Variants in CAST observed in about 807,000 individuals in gnomAD.
CAST encodes MIR583 host.
CAST carries 76 observed loss-of-function variants against 119.6 expected under a neutral mutation model. The ratio of observed to expected loss-of-function variants is 0.64; its 90% confidence interval spans 0.53 to 0.77. The LOEUF (loss-of-function observed/expected upper bound fraction) is 0.77. Ranked by LOEUF, CAST falls within the 30% of genes least tolerant of loss-of-function variation. CAST has a pLI of 0.00. For missense variants in CAST, 953 were observed against 946.5 expected (o/e 1.01, Z -0.09); for synonymous variants, 319 against 331.6 (o/e 0.96, Z 0.41).
intron 1 of CAST, among the ~76,000 whole-genome samples, chr5:96,561,786 G>GTTTTTTT (rs1554067776): frequency 1.3e-4 from 14 of 105,432 alleles, no homozygotes; most frequent in Admixed American, 3.3e-4. Context: ...TTATATATAT[G>GTTTTTTT]TTTTTTTTTG....
chr5:96,045,364 A>G, the CAST span, among the ~76,000 whole-genome samples: 1 of 151,922 alleles, frequency 6.6e-6, no homozygotes, highest in Non-Finnish European at 1.5e-5. Context: ...AAGAAAAAAA[A>G]AAAAAAGAAA....
chr5:96,348,118 G>A, the CAST span, among the ~76,000 whole-genome samples: 3 of 152,150 alleles, frequency 2.0e-5, no homozygotes, highest in Non-Finnish European at 4.4e-5. Flanking sequence ...TTCATCGGAT[G>A]TAGTATCATG....
chr5:96,029,603 C>A, the CAST span, among the ~76,000 whole-genome samples: 3 of 152,068 alleles, frequency 2.0e-5, no homozygotes, highest in Non-Finnish European at 4.4e-5. Flanking sequence ...TCTTCCCAAC[C>A]AAAGAAAGAT....
the CAST span, among the ~76,000 whole-genome samples, chr5:96,459,580 A>T: frequency 1.3e-5 from 2 of 152,188 alleles, no homozygotes; most frequent in African/African-American, 4.8e-5. Context: ...CTTAAGCTTT[A>T]ATTCAACAGA....
chr5:96,678,596 G>A (rs1750975897), intron 2 of CAST, among the ~76,000 whole-genome samples: 2 of 152,110 alleles, frequency 1.3e-5, no homozygotes, highest in African/African-American at 4.8e-5. Flanking sequence ...TGTAATCCCA[G>A]CACTTTGGGA....
At chr5:96,044,226 C>T in the CAST span, among the ~76,000 whole-genome samples, 1 of 152,134 alleles carries the variant, frequency 6.6e-6, no homozygotes, top group Non-Finnish European at 1.5e-5. Flanking sequence ...TTCCTTAATT[C>T]ATGTGTTGAA....
At chr5:96,654,033 T>C (rs1034423183) in intron 1 of CAST, among the ~76,000 whole-genome samples, 108 of 134,384 alleles carry the variant, frequency 8.0e-4, no homozygotes, top group African/African-American at 2.5e-3. Context: ...TTTTCTTTTT[T>C]TTTTTTTTTG....
chr5:96,139,531 CAT>C, the CAST span, among the ~76,000 whole-genome samples: 723 of 121,682 alleles, frequency 5.9e-3, 4 homozygotes, highest in Middle Eastern at 0.017. Flanking sequence ...TATATATATA[CAT>C]ATATATATGT....
the CAST span, among the ~76,000 whole-genome samples, chr5:96,289,474 G>A: frequency 2.0e-5 from 3 of 152,118 alleles, no homozygotes; most frequent in Admixed American, 6.5e-5. Context: ...TAGTGAATAC[G>A]TCTCATGAGG....
At chr5:96,679,848 A>G (rs1363803952) in intron 2 of CAST, among the ~76,000 whole-genome samples, 2 of 152,056 alleles carry the variant, frequency 1.3e-5, no homozygotes, top group African/African-American at 4.8e-5. Context: ...TTAATCACAA[A>G]AGTAATACAT....
Position 96,762,263 on chromosome 5 carries a change from T to C in CAST, c.1834-11T>C. On this transcript the variant is annotated splice_polypyrimidine_tract_variant and intron_variant, in intron 24 of 31. Transcript: ENST00000675179. ...ACAACATGTTACTAATAAAATTTTT[T>C]TCAATAAAAGAAATTTGAAGATGCT... The C allele has an allele frequency of 6.3e-7, 1 of 1,594,062 alleles. No individual in the cohort carries two copies. The highest frequency in any genetic ancestry group is 1.4e-5 in the African/African-American group (1 of 73,872).
chr5:96,185,405 C>T, the CAST span, among the ~76,000 whole-genome samples: 54 of 152,144 alleles, frequency 3.5e-4, 1 homozygote, highest in East Asian at 9.1e-3. Flanking sequence ...TTGCTGTTTT[C>T]GTTATGAAAT....
chr5:96,090,298 T>C, the CAST span, among the ~76,000 whole-genome samples: 1 of 152,278 alleles, frequency 6.6e-6, no homozygotes, highest in Admixed American at 6.5e-5. Flanking sequence ...GCTTACTAAG[T>C]TAAACAACAA....
At chr5:96,205,116 GT>G in the CAST span, among the ~76,000 whole-genome samples, 2 of 151,964 alleles carry the variant, frequency 1.3e-5, no homozygotes, top group Non-Finnish European at 2.9e-5. Flanking sequence ...TCACTCTTGA[GT>G]TTTAAGAGTT....
the CAST span, among the ~76,000 whole-genome samples, chr5:96,473,123 C>T: frequency 2.6e-5 from 4 of 152,208 alleles, no homozygotes; most frequent in Non-Finnish European, 4.4e-5. Context: ...AACTTGATTA[C>T]ATCTGCAAAG....
At chr5:96,116,674 G>A in the CAST span, among the ~76,000 whole-genome samples, 1 of 152,164 alleles carries the variant, frequency 6.6e-6, no homozygotes, top group African/African-American at 2.4e-5. Context: ...TAATGACATT[G>A]AGCATCTTTC....
At chr5:96,169,293 G>A in the CAST span, among the ~76,000 whole-genome samples, 1 of 152,190 alleles carries the variant, frequency 6.6e-6, no homozygotes, top group Non-Finnish European at 1.5e-5. Context: ...TGAGCCTGAT[G>A]GGTGTCAGGG....
the CAST span, among the ~76,000 whole-genome samples, chr5:96,499,052 G>GA: frequency 1.4e-5 from 2 of 141,574 alleles, no homozygotes; most frequent in Admixed American, 7.0e-5. Flanking sequence ...AAAGAAAAAA[G>GA]AAAAAAAGAA....
chr5:96,117,861 A>T, the CAST span, among the ~76,000 whole-genome samples: 28 of 152,296 alleles, frequency 1.8e-4, no homozygotes, highest in Non-Finnish European at 4.0e-4. Flanking sequence ...ATTCAGCCTG[A>T]TGTTCTTTTT....
Sources: gnomAD v4.1 joint callset for allele counts (sites outside exome capture counted in the v4.1 genomes callset) on GRCh38, gnomAD v4.1.1 for gene constraint, MANE v1.5 for transcripts, NCBI Gene and HGNC (gene_info 2026-07-23, HGNC 2026-07-21) for gene names.